Variants in DNAJC27 observed in about 807,000 individuals in gnomAD.
DNAJC27 encodes dnaJ homolog subfamily C member 27.
A neutral mutation model predicts 31.4 loss-of-function variants in DNAJC27; 25 were observed. The observed-to-expected ratio is 0.80, with a 90% CI of 0.58 to 1.11. The LOEUF (loss-of-function observed/expected upper bound fraction) is 1.11, where lower values mean the gene tolerates loss of function less well. Ranked by LOEUF, DNAJC27 falls within the 50% of genes most tolerant of loss-of-function variation. DNAJC27 has a pLI of 0.00. For synonymous variants in DNAJC27, 106 were observed against 112.7 expected, an observed-to-expected ratio of 0.94 and a Z score of 0.37; for missense variants, 356 against 347.3, an observed-to-expected ratio of 1.02 and a Z score of -0.20.
At chr2:24,958,842 T>C (rs1392242310) in intron 3 of DNAJC27, among the ~76,000 whole-genome samples, 1 of 152,084 alleles carries the variant, frequency 6.6e-6, no homozygotes, top group Admixed American at 6.5e-5. Flanking sequence ...ACACATGGGG[T>C]TTCCGGGACA....
At chr2:24,964,163 G>T (rs1666118660) in intron 2 of DNAJC27, among the ~76,000 whole-genome samples, 1 of 152,100 alleles carries the variant, frequency 6.6e-6, no homozygotes, top group African/African-American at 2.4e-5. Context: ...GCTCACGCCT[G>T]TAATCCCAGC....
At chr2:24,965,583 T>G (rs1666161498) in intron 2 of DNAJC27, among the ~76,000 whole-genome samples, 1 of 152,196 alleles carries the variant, frequency 6.6e-6, no homozygotes, top group African/African-American at 2.4e-5. Context: ...ATGAAGAGCT[T>G]CATACATTTC....
chr2:24,951,751 G>A (rs1194470482), intron 5 of DNAJC27, among the ~76,000 whole-genome samples, 197 bp from the exon 6 acceptor site: 1 of 151,850 alleles, frequency 6.6e-6, no homozygotes, highest in Non-Finnish European at 1.5e-5. Flanking sequence ...TACACAAAAA[G>A]TATAAGGAAT....
At chr2:24,969,629 C>T (rs1666276680) in intron 1 of DNAJC27, among the ~76,000 whole-genome samples, 1 of 152,156 alleles carries the variant, frequency 6.6e-6, no homozygotes, top group South Asian at 2.1e-4. Flanking sequence ...CAAGCGTGCG[C>T]CACCATGCCT....
chr2:24,962,843 G>A (rs1666082398), intron 3 of DNAJC27, among the ~76,000 whole-genome samples: 1 of 151,974 alleles, frequency 6.6e-6, no homozygotes, highest in Non-Finnish European at 1.5e-5. Flanking sequence ...GAAGTGAAAC[G>A]GCCAAACCAG....
intron 2 of DNAJC27, among the ~76,000 whole-genome samples, chr2:24,964,421 CA>C (rs771037919): frequency 1.6e-3 from 120 of 74,766 alleles, no homozygotes; most frequent in Middle Eastern, 0.01. Flanking sequence ...GACTCCGTCT[CA>C]AAAAAAAAAA....
rs1235253881 is a variant in DNAJC27 at position 24,945,578 on chromosome 2, A to G, written c.*2038T>C. The G allele has an allele frequency of 2.0e-5, 3 of 152,230 alleles. No homozygotes were observed. Among genetic ancestry groups the G allele is most frequent in the Non-Finnish European group, 2.9e-5 (2 of 68,036 alleles). The allele number at this position is 152,230 out of a possible 1,614,324, so 9.4% of individuals were successfully genotyped here. On this transcript the variant is annotated 3_prime_UTR_variant, in exon 7 of 7. Transcript: ENST00000264711. ...ATGACTTCTACATTCTGCTGTGAGG[A>G]CAGACATGTCTGAGTGCTTTCAGCA...
rs755073750 is a variant in DNAJC27 at position 24,971,921 on chromosome 2, G to C, written c.-17C>G. 1 of 1,561,650 alleles carries C rather than the reference G, an allele frequency of 6.4e-7. No individual in the cohort carries two copies. Among genetic ancestry groups the C allele is most frequent in the African/African-American group, 1.4e-5 (1 of 72,456 alleles). ...GGCCTCCATGGCCCTGGCTCTCTCG[G>C]GGCCACCCGCCTCGGTCTCTTCTTG... On this transcript the variant is annotated 5_prime_UTR_variant, in exon 1 of 7. Coordinates refer to ENST00000264711, the MANE Select transcript of DNAJC27 (RefSeq NM_016544.3).
In DNAJC27 at chr2:24,959,162, C is replaced by T. The variant is rs111305523; in HGVS notation, c.241-1188G>A. Among the ~76,000 whole-genome samples the T allele has an allele frequency of 3.0e-3, 455 of 152,258 alleles. 5 individuals carry two copies. The highest frequency in any genetic ancestry group is 1.0e-2 in the African/African-American group (414 of 41,540). Reference sequence around the variant, plus strand: ...TTGGCCCTTCTACAGCAGTTAACGACGGGCTCTCTCTTCTTTTCTAAAACT... The same window carrying T: ...TTGGCCCTTCTACAGCAGTTAACGATGGGCTCTCTCTTCTTTTCTAAAACT... On this transcript the variant is annotated intron_variant, in intron 3 of 6. Coordinates refer to ENST00000264711, the MANE Select transcript of DNAJC27 (RefSeq NM_016544.3).
intron 1 of DNAJC27, chr2:24,969,484 A>ATT: frequency 1.2e-5 from 2 of 172,694 alleles, no homozygotes; most frequent in Non-Finnish European, 2.5e-5. Flanking sequence ...GTGAAAAAAA[A>ATT]TTTTTTTTTT....
At chr2:24,969,976 T>C (rs1384651489) in intron 1 of DNAJC27, among the ~76,000 whole-genome samples, 1 of 152,250 alleles carries the variant, frequency 6.6e-6, no homozygotes, top group Non-Finnish European at 1.5e-5. Flanking sequence ...TTCACATCTG[T>C]ACAATATTGT....
chr2:24,947,919 A>G (rs1665684398), intron 6 of DNAJC27, among the ~76,000 whole-genome samples, 171 bp from the exon 7 acceptor site: 1 of 152,248 alleles, frequency 6.6e-6, no homozygotes, highest in Admixed American at 6.5e-5. Flanking sequence ...AATAAATAGT[A>G]TGTAATATAT....
rs1339384284 is a variant in DNAJC27, at chr2:24,944,422, A to G, written c.*3194T>C. ...CAGTGGCTGCTTACTTACTCTGGCT[A>G]TCTTTCAGAAATTTAGCTGCCTTAT... On this transcript the variant is annotated 3_prime_UTR_variant, in exon 7 of 7. Transcript: ENST00000264711. 2.7e-5 allele frequency: 4 copies of G among 150,066 alleles called. No individual in the cohort carries two copies. Among genetic ancestry groups the G allele is most frequent in the Non-Finnish European group, 5.9e-5 (4 of 67,718 alleles). 9.3% of individuals were successfully genotyped at this position (150,066 alleles called of 1,614,324 possible).
intron 5 of DNAJC27, among the ~76,000 whole-genome samples, chr2:24,953,378 A>G (rs1300217974): frequency 6.6e-6 from 1 of 152,216 alleles, no homozygotes; most frequent in East Asian, 1.9e-4. Context: ...CCAAGACACA[A>G]GACGTATTAG....
rs150854407 is a variant in DNAJC27 at position 24,957,803 on chromosome 2, G to A, written c.405+7C>T. Reference sequence around the variant, plus strand: ...AAATCTGAACACACCATTTCCAGAGGGGTTACCTTGTTGGCACAAACTACA... The same window carrying A: ...AAATCTGAACACACCATTTCCAGAGAGGTTACCTTGTTGGCACAAACTACA... On this transcript the variant is annotated splice_region_variant and intron_variant, in intron 4 of 6. Transcript: ENST00000264711. 1.4e-5 allele frequency: 22 copies of A among 1,613,232 alleles called. No homozygotes were observed. The East Asian group carries it at 4.5e-4, about 33-fold the overall frequency.
At chr2:24,972,038 C>G, upstream of DNAJC27, 1 of 648,976 alleles carries the variant, frequency 1.5e-6, no homozygotes, top group Non-Finnish European at 2.4e-6. Context: ...CCATCCCCGC[C>G]GCTGCCTGGC....
intron 3 of DNAJC27, among the ~76,000 whole-genome samples, chr2:24,961,146 A>G (rs1209393632): frequency 6.6e-6 from 1 of 152,160 alleles, no homozygotes; most frequent in African/African-American, 2.4e-5. Flanking sequence ...CATTTGCCAT[A>G]ATGAAAATCC....
At chr2:24,967,184 A>G (rs1254499101) in intron 2 of DNAJC27, 27 bp downstream of exon 2, 2 of 1,583,638 alleles carry the variant, frequency 1.3e-6, no homozygotes, top group Non-Finnish European at 1.7e-6. Context: ...TATGTAACTT[A>G]CAAACCCAGG....
chr2:24,961,701 A>T (rs1194720642), intron 3 of DNAJC27, among the ~76,000 whole-genome samples: 1 of 152,122 alleles, frequency 6.6e-6, no homozygotes, highest in African/African-American at 2.4e-5. Flanking sequence ...ATGTGGTGGA[A>T]ATAGGAAGAG....
Sources: allele counts gnomAD v4.1 joint callset (sites outside exome capture counted in the v4.1 genomes callset), GRCh38; gene constraint gnomAD v4.1.1; transcripts MANE v1.5; gene names NCBI Gene and HGNC (gene_info 2026-07-23, HGNC 2026-07-21).